Variants in FARS2 observed in about 807,000 individuals in gnomAD.
FARS2 encodes phenylalanyl-tRNA synthetase 2, mitochondrial.
FARS2 carries 40 observed loss-of-function variants against 46.4 expected under a neutral mutation model. That is an observed-to-expected ratio of 0.86 (90% confidence interval 0.67 to 1.12). FARS2 has a LOEUF of 1.12. Ranked by LOEUF, FARS2 falls within the 50% of genes most tolerant of loss-of-function variation. The pLI, the probability that FARS2 is intolerant of heterozygous loss-of-function variation, is 0.00. For synonymous variants in FARS2, 234 were observed against 214.9 expected (o/e 1.09, Z -0.78); for missense variants, 513 against 567.9 (o/e 0.90, Z 0.98).
At chr6:5,651,569 C>T (rs536452783) in intron 6 of FARS2, among the ~76,000 whole-genome samples, 3 of 152,322 alleles carry the variant, frequency 2.0e-5, no homozygotes, top group East Asian at 1.9e-4. Context: ...CTCAGCTGCG[C>T]GGTCATCATC....
intron 6 of FARS2, among the ~76,000 whole-genome samples, chr6:5,740,138 T>C (rs1761240068): frequency 2.0e-5 from 3 of 152,210 alleles, no homozygotes; most frequent in Admixed American, 6.5e-5. Flanking sequence ...ATCTGTCTGC[T>C]GTGTGCTGGT....
At chr6:5,503,318 C>T (rs1043103838) in intron 4 of FARS2, among the ~76,000 whole-genome samples, 1 of 149,746 alleles carries the variant, frequency 6.7e-6, no homozygotes, top group African/African-American at 2.5e-5. Flanking sequence ...GGACTGTGGT[C>T]AATAATATTA....
chr6:5,473,547 A>AAAC (rs1554099156), intron 4 of FARS2, among the ~76,000 whole-genome samples: 2,549 of 97,430 alleles, frequency 0.026, 93 homozygotes, highest in African/African-American at 0.11. Context: ...AAAAAAAACA[A>AAAC]AAAAAAAAAA....
At chr6:5,528,114 C>T (rs1387456246) in intron 4 of FARS2, among the ~76,000 whole-genome samples, 1 of 152,152 alleles carries the variant, frequency 6.6e-6, no homozygotes, top group Non-Finnish European at 1.5e-5. Context: ...TTGGTCAATT[C>T]ATCTTCATTT....
chr6:5,305,303 AC>A (rs1210737378), intron 1 of FARS2, among the ~76,000 whole-genome samples: 4 of 152,216 alleles, frequency 2.6e-5, no homozygotes, highest in Non-Finnish European at 5.9e-5. Context: ...AATGTCTAGC[AC>A]ATTGTATTGT....
chr6:5,437,193 G>A (rs911589087), intron 4 of FARS2, among the ~76,000 whole-genome samples: 7 of 152,108 alleles, frequency 4.6e-5, no homozygotes, highest in African/African-American at 1.7e-4. Flanking sequence ...CTTTCACTCA[G>A]CATATAATGA....
intron 5 of FARS2, among the ~76,000 whole-genome samples, chr6:5,562,604 T>C (rs1772051639): frequency 6.6e-6 from 1 of 151,986 alleles, no homozygotes; most frequent in Non-Finnish European, 1.5e-5. Flanking sequence ...CTGACATTTA[T>C]TGGCACAGCC....
upstream of FARS2, among the ~76,000 whole-genome samples, chr6:5,259,559 T>G (rs1195133080): frequency 6.6e-6 from 1 of 151,932 alleles, no homozygotes; most frequent in Non-Finnish European, 1.5e-5. Context: ...TTAGCGTTCC[T>G]GTCCTCTGAC....
At chr6:5,472,731 C>T (rs563794490) in intron 4 of FARS2, among the ~76,000 whole-genome samples, 13 of 152,194 alleles carry the variant, frequency 8.5e-5, no homozygotes, top group African/African-American at 3.1e-4. Context: ...TAGCAGGCAC[C>T]AGACATAGCA....
chr6:5,500,933 CGAGAGAGA>C (rs58128430), intron 4 of FARS2, among the ~76,000 whole-genome samples: 17,108 of 143,506 alleles, frequency 0.12, 1,092 homozygotes, highest in South Asian at 0.19. Flanking sequence ...TTCAAATCCC[CGAGAGAGA>C]GAGAGAGAGA....
intron 5 of FARS2, among the ~76,000 whole-genome samples, chr6:5,588,089 A>G (rs1489942240): frequency 6.6e-6 from 1 of 151,980 alleles, no homozygotes; most frequent in Non-Finnish European, 1.5e-5. Flanking sequence ...CCTCTTCATA[A>G]TCGAGTTTCC....
chr6:5,251,427 T>C, the FARS2 span, among the ~76,000 whole-genome samples: 1 of 152,334 alleles, frequency 6.6e-6, no homozygotes, highest in East Asian at 1.9e-4. Flanking sequence ...GGAATTGTGA[T>C]GCTGGCATCT....
intron 4 of FARS2, among the ~76,000 whole-genome samples, chr6:5,436,115 C>A (rs912540885): frequency 6.6e-6 from 1 of 152,048 alleles, no homozygotes; most frequent in Admixed American, 6.6e-5. Flanking sequence ...ACAGGGGTAC[C>A]GTGGGCACAA....
intron 1 of FARS2, among the ~76,000 whole-genome samples, chr6:5,287,886 T>C (rs1199625567): frequency 6.6e-6 from 1 of 152,182 alleles, no homozygotes; most frequent in Non-Finnish European, 1.5e-5. Flanking sequence ...TTTAAAGCTG[T>C]TCACTCTACT....
At chr6:5,720,407 A>G (rs182151891) in intron 6 of FARS2, among the ~76,000 whole-genome samples, 144 of 152,334 alleles carry the variant, frequency 9.5e-4, no homozygotes, top group African/African-American at 3.3e-3. Flanking sequence ...TTAATTGATC[A>G]GTTTTCCAGA....
chr6:5,275,885 A>T lies in FARS2; in HGVS notation c.-22+14225A>T, dbSNP rs558383277. 8.1e-4 allele frequency among the ~76,000 whole-genome samples: 123 copies of T among 152,134 alleles called. 1 individual carries two copies. The highest frequency in any genetic ancestry group is 1.2e-3 in the Non-Finnish European group (81 of 68,020). On this transcript the variant is annotated intron_variant, in intron 1 of 6. Coordinates refer to ENST00000274680, the MANE Select transcript of FARS2 (RefSeq NM_006567.5). ...TACTTTATCTCTTGCGTTACGATATATTCTCCCAGAATTTTATATTATCTT... is the reference window on the plus strand; with the variant it reads ...TACTTTATCTCTTGCGTTACGATATTTTCTCCCAGAATTTTATATTATCTT...
intron 4 of FARS2, among the ~76,000 whole-genome samples, chr6:5,433,125 G>A (rs943934935): frequency 1.3e-5 from 2 of 152,144 alleles, no homozygotes; most frequent in East Asian, 3.9e-4. Context: ...GAAGTTGTGA[G>A]GCCTGGGCTT....
intron 5 of FARS2, among the ~76,000 whole-genome samples, chr6:5,592,008 G>A (rs973138605): frequency 2.0e-5 from 3 of 152,158 alleles, no homozygotes; most frequent in Non-Finnish European, 4.4e-5. Context: ...TGTCTAAGAT[G>A]GGTCGATTGA....
chr6:5,673,672 C>T (rs186212505), intron 6 of FARS2, among the ~76,000 whole-genome samples: 4 of 152,172 alleles, frequency 2.6e-5, no homozygotes, highest in Admixed American at 2.0e-4. Context: ...GCTGCCATGT[C>T]GATGATGCTT....
Sources: allele counts gnomAD v4.1 joint callset (sites outside exome capture counted in the v4.1 genomes callset), GRCh38; gene constraint gnomAD v4.1.1; transcripts MANE v1.5; gene names NCBI Gene and HGNC (gene_info 2026-07-23, HGNC 2026-07-21).